The following IQCJ variants were observed in gnomAD, a reference collection of about 807,000 sequenced individuals.
IQCJ encodes the protein IQ motif containing J, also known as IQ domain-containing protein J.
In IQCJ, 9 loss-of-function variants were observed where a neutral mutation model predicts 11.0. The observed-to-expected ratio is 0.82, with a 90% CI of 0.49 to 1.43. The LOEUF is 1.43. Among genes scored for constraint, IQCJ ranks in the 40% most tolerant of loss-of-function variants. IQCJ has a pLI of 0.00. For missense variants in IQCJ, 146 were observed against 133.2 expected (o/e 1.10, Z -0.47); for synonymous variants, 55 against 51.3 (o/e 1.07, Z -0.31).
intron 1 of IQCJ, chr3:159,070,051 A>G (rs915842990): frequency 1.0e-5 from 2 of 198,318 alleles, no homozygotes; most frequent in Non-Finnish European, 2.1e-5. Flanking sequence ...GGGGACGTTG[A>G]TCCGCAGTGT....
intron 1 of IQCJ, among the ~76,000 whole-genome samples, chr3:159,155,106 T>G (rs1367535498): frequency 6.6e-6 from 1 of 152,138 alleles, no homozygotes; most frequent in Non-Finnish European, 1.5e-5. Flanking sequence ...TTGGTGATCT[T>G]TGTTAAATAA....
chr3:159,225,850 C>T (rs1185544928), intron 1 of IQCJ, among the ~76,000 whole-genome samples: 1 of 152,204 alleles, frequency 6.6e-6, no homozygotes, highest in East Asian at 1.9e-4. Context: ...TCCCAGGTTG[C>T]CATCTATACT....
chr3:159,216,598 G>A (rs1435692412), intron 1 of IQCJ, among the ~76,000 whole-genome samples: 1 of 152,070 alleles, frequency 6.6e-6, no homozygotes, highest in Non-Finnish European at 1.5e-5. Flanking sequence ...TTCCATTATG[G>A]TGCCCTTTGT....
intron 1 of IQCJ, among the ~76,000 whole-genome samples, chr3:159,133,174 C>G (rs567851572): frequency 2.0e-5 from 3 of 152,210 alleles, no homozygotes; most frequent in African/African-American, 7.2e-5. Context: ...GCACACAGCC[C>G]AGGACACATG....
intron 1 of IQCJ, among the ~76,000 whole-genome samples, chr3:159,232,896 T>C (rs1726347578): frequency 6.6e-6 from 1 of 152,072 alleles, no homozygotes; most frequent in Non-Finnish European, 1.5e-5. Flanking sequence ...TCAGGTAAAA[T>C]AGGTGGGGGT....
chr3:159,071,405 G>C (rs1715551375), intron 1 of IQCJ, among the ~76,000 whole-genome samples: 1 of 151,852 alleles, frequency 6.6e-6, no homozygotes, highest in Non-Finnish European at 1.5e-5. Context: ...ATTCAATGTA[G>C]GAATCTTGCC....
intron 1 of IQCJ, among the ~76,000 whole-genome samples, chr3:159,107,597 G>A (rs1718343831): frequency 6.6e-6 from 1 of 152,106 alleles, no homozygotes; most frequent in African/African-American, 2.4e-5. Context: ...GTGTGGCTGA[G>A]TCTGATAATA....
At chr3:159,087,428 C>T (rs1424972563) in intron 1 of IQCJ, among the ~76,000 whole-genome samples, 1 of 147,656 alleles carries the variant, frequency 6.8e-6, no homozygotes, top group African/African-American at 2.5e-5. Context: ...TGATGCTGGC[C>T]TCATAAAATG....
chr3:159,158,386 C>G (rs1010774231), intron 1 of IQCJ, among the ~76,000 whole-genome samples: 8 of 152,140 alleles, frequency 5.3e-5, no homozygotes, highest in African/African-American at 1.9e-4. Flanking sequence ...AACAATTACT[C>G]AGAAGTTTTG....
intron 1 of IQCJ, among the ~76,000 whole-genome samples, chr3:159,094,979 G>A (rs1717624267): frequency 6.6e-6 from 1 of 151,882 alleles, no homozygotes; most frequent in Non-Finnish European, 1.5e-5. Flanking sequence ...CTCTCTCAGT[G>A]TCTTCCCTGG....
intron 1 of IQCJ, among the ~76,000 whole-genome samples, chr3:159,078,846 A>G (rs1435522414): frequency 6.6e-6 from 1 of 152,128 alleles, no homozygotes; most frequent in African/African-American, 2.4e-5. Context: ...AAATGAGGAT[A>G]ATGATAGCTT....
At chr3:159,260,786 A>G (rs1202384081) in intron 3 of IQCJ, among the ~76,000 whole-genome samples, 1 of 152,200 alleles carries the variant, frequency 6.6e-6, no homozygotes, top group Non-Finnish European at 1.5e-5. Context: ...TGAGGCTTGA[A>G]GTATGTATAA....
At chr3:159,214,264 T>C (rs1231946484) in intron 1 of IQCJ, among the ~76,000 whole-genome samples, 1 of 152,172 alleles carries the variant, frequency 6.6e-6, no homozygotes, top group African/African-American at 2.4e-5. Context: ...AGTAAAGAAG[T>C]TGAGAATTAT....
chr3:159,123,912 C>T (rs760490986), intron 1 of IQCJ, among the ~76,000 whole-genome samples: 14 of 152,158 alleles, frequency 9.2e-5, no homozygotes, highest in Non-Finnish European at 1.5e-4. Context: ...AAATGTTTCT[C>T]TCCTTCCTAG....
At chr3:159,118,623 A>T (rs1318774703) in intron 1 of IQCJ, among the ~76,000 whole-genome samples, 1 of 152,216 alleles carries the variant, frequency 6.6e-6, no homozygotes, top group Non-Finnish European at 1.5e-5. Context: ...GAATTCAACC[A>T]GTTGGCTTCC....
intron 1 of IQCJ, among the ~76,000 whole-genome samples, chr3:159,164,452 T>G (rs1398396216): frequency 1.3e-5 from 2 of 152,204 alleles, no homozygotes; most frequent in African/African-American, 4.8e-5. Context: ...TGCTTTATTG[T>G]GTAAGCCTAC....
At chr3:159,255,877 G>A (rs1021600561) in intron 3 of IQCJ, among the ~76,000 whole-genome samples, 3 of 152,192 alleles carry the variant, frequency 2.0e-5, no homozygotes, top group Admixed American at 6.5e-5. Context: ...AAAAGTAATA[G>A]TGAAAGCACC....
chr3:159,166,545 C>G (rs1722174339), intron 1 of IQCJ, among the ~76,000 whole-genome samples: 1 of 152,178 alleles, frequency 6.6e-6, no homozygotes, highest in South Asian at 2.1e-4. Context: ...TTAACACTAG[C>G]TCCTTTACTC....
intron 3 of IQCJ, among the ~76,000 whole-genome samples, chr3:159,261,825 A>T (rs1210804502): frequency 3.4e-5 from 5 of 148,210 alleles, no homozygotes; most frequent in Admixed American, 1.4e-4. Flanking sequence ...CCTTAGGCGA[A>T]ACCTGAAATA....
Sources: gnomAD v4.1 joint callset for allele counts (sites outside exome capture counted in the v4.1 genomes callset) on GRCh38, gnomAD v4.1.1 for gene constraint, MANE v1.5 for transcripts, NCBI Gene and HGNC (gene_info 2026-07-23, HGNC 2026-07-21) for gene names.